The following RASSF8 variants were observed in gnomAD, a reference collection of about 807,000 sequenced individuals.
The protein encoded by RASSF8 is Ras association domain family member 8.
RASSF8 carries 22 observed loss-of-function variants against 48.5 expected under a neutral mutation model. The ratio of observed to expected loss-of-function variants is 0.45; its 90% CI spans 0.32 to 0.65. The LOEUF is 0.65. RASSF8 is among the 30% of genes least tolerant of loss of function. The probability of loss-of-function intolerance (pLI) is 0.03; values close to 1 mark genes in which losing one functional copy is unlikely to be tolerated. For synonymous variants in RASSF8, 127 were observed against 171.5 expected (o/e 0.74, Z 2.03); for missense variants, 418 against 489.2 (o/e 0.85, Z 1.37).
At chr12:26,039,785 C>G (rs547658078) in intron 2 of RASSF8, among the ~76,000 whole-genome samples, 23 of 152,248 alleles carry the variant, frequency 1.5e-4, no homozygotes, top group Middle Eastern at 6.8e-3. Context: ...AAAACTTTTG[C>G]TTTTACTTGT....
At chr12:26,005,487 A>G (rs1290256288) in intron 2 of RASSF8, among the ~76,000 whole-genome samples, 3 of 152,206 alleles carry the variant, frequency 2.0e-5, no homozygotes, top group Admixed American at 6.5e-5. Flanking sequence ...GACCGTGCCT[A>G]TATTAACCTG....
chr12:26,064,729 T>C lies in RASSF8; in HGVS notation c.335T>C (p.Leu112Pro), dbSNP rs1943827935. The change falls in exon 4 of 6, where the codon CTG (leucine) becomes CCG (proline). Residue 112 changes from leucine (L) to proline (P), a missense_variant. Transcript: ENST00000689635. ...CAGAGTCTGCCCCCCTTAGCTAAAC[T>C]GAGGCCTCAGATTGACAAATCAATC... ...YRQSLPPLAK[L>P]RPQIDKSIKR... The C allele has an allele frequency of 6.2e-7, 1 of 1,614,028 alleles. No homozygotes were observed. The highest frequency in any genetic ancestry group is 1.3e-5 in the African/African-American group (1 of 74,988).
chr12:26,019,138 T>A (rs1187913842), intron 2 of RASSF8, among the ~76,000 whole-genome samples: 2 of 152,206 alleles, frequency 1.3e-5, no homozygotes, highest in African/African-American at 4.8e-5. Context: ...GGAGAGTGTC[T>A]CTATTATGAG....
intron 3 of RASSF8, among the ~76,000 whole-genome samples, chr12:26,058,969 C>T (rs906571387): frequency 1.2e-4 from 18 of 152,202 alleles, no homozygotes; most frequent in African/African-American, 4.3e-4. Context: ...TGTCACTGTA[C>T]ACCCTGAACT....
chr12:26,045,266 A>T (rs1943348305), intron 2 of RASSF8, among the ~76,000 whole-genome samples: 1 of 152,160 alleles, frequency 6.6e-6, no homozygotes, highest in Non-Finnish European at 1.5e-5. Context: ...ATATCCTTAA[A>T]GCATTTAATA....
chr12:26,059,433 ATAT>A (rs1943690797), intron 3 of RASSF8, among the ~76,000 whole-genome samples: 3 of 152,238 alleles, frequency 2.0e-5, no homozygotes, highest in African/African-American at 7.2e-5. Context: ...TTATAAAGTA[ATAT>A]TATTTATTGT....
chr12:26,027,302 A>G (rs149833234), intron 2 of RASSF8, among the ~76,000 whole-genome samples: 4 of 152,328 alleles, frequency 2.6e-5, no homozygotes, highest in East Asian at 3.9e-4. Context: ...TATTTAAACT[A>G]TCAAGCTGTA....
chr12:26,012,692 T>C (rs1017778484), intron 2 of RASSF8, among the ~76,000 whole-genome samples: 56 of 150,876 alleles, frequency 3.7e-4, no homozygotes, highest in African/African-American at 1.3e-3. Flanking sequence ...CTTTTTTTTT[T>C]TTTTTTGAGA....
chr12:26,029,603 A>T (rs1011770283), intron 2 of RASSF8, among the ~76,000 whole-genome samples: 1 of 152,100 alleles, frequency 6.6e-6, no homozygotes, highest in Admixed American at 6.6e-5. Context: ...TGTGCTCTGT[A>T]CTCATGATTG....
At chr12:26,019,591 GTGTGTGTGTGTGTC>G (rs1357323746) in intron 2 of RASSF8, among the ~76,000 whole-genome samples, 46 of 139,000 alleles carry the variant, frequency 3.3e-4, no homozygotes, top group Middle Eastern at 3.6e-3. Context: ...GTGTGTGTGT[GTGTGTGTGTGTGTC>G]TGTGTGTGTC....
chr12:26,026,610 A>G (rs145685695), intron 2 of RASSF8, among the ~76,000 whole-genome samples: 1 of 152,148 alleles, frequency 6.6e-6, no homozygotes, highest in Non-Finnish European at 1.5e-5. Flanking sequence ...TAATTTTTAT[A>G]TTTTTAGTTG....
chr12:25,986,435 A>G (rs1941877495), intron 1 of RASSF8, among the ~76,000 whole-genome samples: 1 of 152,214 alleles, frequency 6.6e-6, no homozygotes, highest in African/African-American at 2.4e-5. Flanking sequence ...TCTAGAATGT[A>G]CAGAGGAGAA....
chr12:26,051,524 A>G (rs2840134), intron 2 of RASSF8, among the ~76,000 whole-genome samples: 92,202 of 151,988 alleles, frequency 0.61, 28,343 homozygotes, highest in Non-Finnish European at 0.66. Context: ...ATAAACATTT[A>G]TATTTAATAT....
At chr12:25,970,504 A>G (rs1276479856) in intron 1 of RASSF8, among the ~76,000 whole-genome samples, 5 of 151,870 alleles carry the variant, frequency 3.3e-5, no homozygotes, top group South Asian at 2.1e-4. Context: ...TCACTATCCT[A>G]ATTTATCATC....
At chr12:25,998,329 T>C (rs897983295) in intron 2 of RASSF8, among the ~76,000 whole-genome samples, 44 of 151,650 alleles carry the variant, frequency 2.9e-4, no homozygotes, top group Middle Eastern at 3.2e-3. Flanking sequence ...GACTGTAGAA[T>C]ATTGTTTCTG....
intron 2 of RASSF8, among the ~76,000 whole-genome samples, chr12:26,010,394 T>C (rs900833378): frequency 6.6e-6 from 1 of 152,156 alleles, no homozygotes; most frequent in African/African-American, 2.4e-5. Context: ...ATAAAGCAAG[T>C]GAGTCATGCA....
At chr12:26,019,759 G>C (rs1278535810) in intron 2 of RASSF8, among the ~76,000 whole-genome samples, 3 of 152,104 alleles carry the variant, frequency 2.0e-5, no homozygotes, top group Non-Finnish European at 2.9e-5. Flanking sequence ...TGTAGCCCCA[G>C]TAGGAGTTAT....
At chr12:26,076,123 T>C (rs1267761671), downstream of RASSF8, among the ~76,000 whole-genome samples, 1 of 152,124 alleles carries the variant, frequency 6.6e-6, no homozygotes, top group Non-Finnish European at 1.5e-5. Flanking sequence ...GGGGGGCATC[T>C]ATGATGCCCC....
chr12:26,015,372 A>G lies in RASSF8; in HGVS notation c.-109+20242A>G, dbSNP rs115866308. On this transcript the variant is annotated intron_variant, in intron 2 of 5. Transcript: ENST00000689635. ...GACCACAAAAAACTGACAGTAATCA[A>G]TTATCGTTCCTGCCTGCTGCTTAGC... is the stretch of plus-strand genomic sequence containing the variant. Among the ~76,000 whole-genome samples the G allele has an allele frequency of 2.8e-3, 428 of 152,302 alleles. 3 individuals carry two copies. Among genetic ancestry groups the G allele is most frequent in the African/African-American group, 1.0e-2 (414 of 41,556 alleles).
Sources: gnomAD v4.1 joint callset for allele counts (sites outside exome capture counted in the v4.1 genomes callset) on GRCh38, gnomAD v4.1.1 for gene constraint, MANE v1.5 for transcripts, NCBI Gene and HGNC (gene_info 2026-07-23, HGNC 2026-07-21) for gene names.